NCBP3: variants seen among roughly 807,000 people sequenced by gnomAD.
NCBP3 encodes nuclear cap-binding protein subunit 3.
A neutral mutation model predicts 75.7 loss-of-function variants in NCBP3; 20 were observed. The observed-to-expected ratio is 0.26, with a 90% CI of 0.19 to 0.38. The LOEUF is 0.38. NCBP3 is among the 10% of genes least tolerant of loss of function. NCBP3 has a pLI of 1.00. For synonymous variants in NCBP3, 293 were observed against 290.5 expected (o/e 1.01, Z -0.09); for missense variants, 678 against 796.9 (o/e 0.85, Z 1.80).
At chr17:3,814,543 C>CGCCTGACACCTCTAA in intron 11 of NCBP3, 60 bp from the exon 12 acceptor site, 1 of 1,572,768 alleles carries the variant, frequency 6.4e-7, no homozygotes, top group East Asian at 2.2e-5. Flanking sequence ...CGGCACCAGC[C>CGCCTGACACCTCTAA]GCCTGACACC....
intron 7 of NCBP3, among the ~76,000 whole-genome samples, chr17:3,823,336 T>A (rs1252401145): frequency 6.6e-6 from 1 of 152,040 alleles, no homozygotes; most frequent in Non-Finnish European, 1.5e-5. Flanking sequence ...AGAGCAACAC[T>A]CCGTCTCAAA....
At chr17:3,827,915 TTTTTG>T (rs572085647) in intron 4 of NCBP3, among the ~76,000 whole-genome samples, 2 of 152,218 alleles carry the variant, frequency 1.3e-5, no homozygotes, top group African/African-American at 4.8e-5. Flanking sequence ...CCTGCTTTTG[TTTTTG>T]TTTTTTCTTT....
At chr17:3,838,119 A>C (rs1470017541) in intron 3 of NCBP3, among the ~76,000 whole-genome samples, 1 of 152,226 alleles carries the variant, frequency 6.6e-6, no homozygotes, top group Non-Finnish European at 1.5e-5. Flanking sequence ...AAAGGAACTG[A>C]GACTAGATTC....
intron 4 of NCBP3, among the ~76,000 whole-genome samples, chr17:3,828,445 A>C (rs751879472): frequency 6.6e-6 from 1 of 152,168 alleles, no homozygotes; most frequent in Non-Finnish European, 1.5e-5. Context: ...CAGGAGAAAA[A>C]TGTTTCACTC....
intron 7 of NCBP3, 160 bp from the exon 8 acceptor site, chr17:3,822,212 C>T: frequency 3.3e-6 from 2 of 604,042 alleles, no homozygotes; most frequent in Non-Finnish European, 2.9e-6. Context: ...GTGCCCACTA[C>T]AGCAATGCAG....
Position 3,804,065 on chromosome 17 carries a change from G to A in NCBP3, c.*8979C>T, listed in dbSNP as rs1381215976. The A allele has an allele frequency of 2.0e-5, 3 of 152,292 alleles. No homozygotes were observed. The highest frequency in any genetic ancestry group is 4.4e-5 in the Non-Finnish European group (3 of 68,082). The allele number at this position is 152,292 out of a possible 1,614,324, so 9.4% of individuals were successfully genotyped here. A position where few individuals can be genotyped will look rare whatever the true frequency, so the allele number is the denominator to read the frequency against. ...GCACTCCACTTGGGTGACAGAGCGA[G>A]ACTCCGTCTCAGAAAAAGTGGCCAG... On this transcript the variant is annotated 3_prime_UTR_variant, in exon 13 of 13. Transcript: ENST00000389005.
chr17:3,816,024 C>A, intron 11 of NCBP3, 92 bp downstream of exon 11: 1 of 1,263,576 alleles, frequency 7.9e-7, no homozygotes, highest in Non-Finnish European at 1.1e-6. Flanking sequence ...AATCAGTTCA[C>A]ACATCGCATG....
At chr17:3,823,498 A>G (rs2053711026) in intron 7 of NCBP3, among the ~76,000 whole-genome samples, 1 of 152,252 alleles carries the variant, frequency 6.6e-6, no homozygotes, top group South Asian at 2.1e-4. Flanking sequence ...TAAAGAAATG[A>G]CATAGTCAGA....
chr17:3,838,704 T>C (rs1000827435), intron 3 of NCBP3, among the ~76,000 whole-genome samples: 1 of 152,208 alleles, frequency 6.6e-6, no homozygotes, highest in Non-Finnish European at 1.5e-5. Context: ...GACTCCACCT[T>C]TACTAGCTAC....
In NCBP3 at chr17:3,818,416, C is replaced by T. The variant is rs1248299503; in HGVS notation, c.1157G>A (p.Arg386Gln). ...ELPALKQPRE[R>Q]SASRRSSASS... is the part of the protein sequence containing the mutation. ...GGCACTGGATCGTCTAGACGCGCTC[C>T]GCTCCCGGGGCTGCTTGAGAGCCGG... is the stretch of plus-strand genomic sequence containing the variant. The change falls in exon 10 of 13, where the codon CGG becomes CAG. Residue 386 changes from arginine to glutamine, a missense_variant. This residue lies in a region of NCBP3 where 365 missense variants were observed against 392.7 expected (regional missense o/e 0.93). Coordinates refer to ENST00000389005, the MANE Select transcript of NCBP3 (RefSeq NM_001114118.3). The surrounding 1 kb of genome is among the most constrained non-coding windows in gnomAD (Gnocchi z 4.7). 3.7e-6 allele frequency: 6 copies of T among 1,614,026 alleles called. No individual in the cohort carries two copies. The highest frequency in any genetic ancestry group is 2.7e-5 in the African/African-American group (2 of 74,904).
intron 2 of NCBP3, among the ~76,000 whole-genome samples, chr17:3,842,373 C>T (rs979109298): frequency 6.6e-6 from 1 of 152,064 alleles, no homozygotes; most frequent in Non-Finnish European, 1.5e-5. Flanking sequence ...TGCAGTGAGC[C>T]GAGATCGCAC....
At chr17:3,835,072 T>C (rs79870929) in intron 3 of NCBP3, among the ~76,000 whole-genome samples, 153 of 152,186 alleles carry the variant, frequency 1.0e-3, no homozygotes, top group African/African-American at 3.2e-3. Flanking sequence ...AAGCCACGTG[T>C]ACACAATGGA....
chr17:3,814,212 T>G, intron 12 of NCBP3, 110 bp downstream of exon 12: 3 of 1,071,654 alleles, frequency 2.8e-6, no homozygotes, highest in Non-Finnish European at 4.1e-6. Flanking sequence ...ATCACTTATA[T>G]TTGGCGTGGG....
In NCBP3 at chr17:3,811,510, T is replaced by A. The variant is rs1436471571; in HGVS notation, c.*1534A>T. ...AAAAGCAAGGTTAATCAACAAAATA[T>A]GGGACAATACAGTTTTTGTTGCAGC... On this transcript the variant is annotated 3_prime_UTR_variant, in exon 13 of 13. Transcript: ENST00000389005. 6.6e-6 allele frequency: 1 copy of A among 152,246 alleles called. No homozygotes were observed. The highest frequency in any genetic ancestry group is 1.5e-5 in the Non-Finnish European group (1 of 68,034). 9.4% of individuals were successfully genotyped at this position (152,246 alleles called of 1,614,324 possible).
chr17:3,816,097 T>C lies in NCBP3; in HGVS notation c.1465+19A>G. ...CCGGAGCTCAGAATCCAGCCAGGAA[T>C]CCAAGTGAGGAACAGTACCTGATTT... On this transcript the variant is annotated intron_variant, in intron 11 of 12. Coordinates refer to ENST00000389005, the MANE Select transcript of NCBP3 (RefSeq NM_001114118.3). 6.2e-7 allele frequency: 1 copy of C among 1,603,358 alleles called. No individual in the cohort carries two copies. Among genetic ancestry groups the C allele is most frequent in the Non-Finnish European group, 8.5e-7 (1 of 1,174,420 alleles).
chr17:3,812,614 C>G lies in NCBP3; in HGVS notation c.*430G>C. The G allele has an allele frequency of 9.8e-7, 1 of 1,019,434 alleles. No homozygotes were observed. The highest frequency in any genetic ancestry group is 1.7e-5 in the African/African-American group (1 of 57,744). The allele number at this position is 1,019,434 out of a possible 1,614,324, so 63.1% of individuals were successfully genotyped here. ...CCCTCGAAGGATGTCCAATAAGCAC[C>G]TGGGAATTGACTTTTCTTGGGAAAA... On this transcript the variant is annotated 3_prime_UTR_variant, in exon 13 of 13. Transcript: ENST00000389005.
At position 3,810,380 on chromosome 17, in the gene NCBP3, G is replaced by A. The variant is rs1329804983; in HGVS notation, c.*2664C>T. The A allele has an allele frequency of 6.6e-6, 1 of 152,208 alleles. No individual in the cohort carries two copies. The highest frequency in any genetic ancestry group is 1.5e-5 in the Non-Finnish European group (1 of 68,054). 9.4% of individuals were successfully genotyped at this position (152,208 alleles called of 1,614,324 possible). A position where few individuals can be genotyped will look rare whatever the true frequency, so the allele number is the denominator to read the frequency against. ...ATCCTGGGTACCTGGTAACTCTCCA[G>A]AGAGGAGAGTGGGAAACAAATGAGG... is the stretch of plus-strand genomic sequence containing the variant. On this transcript the variant is annotated 3_prime_UTR_variant, in exon 13 of 13. Transcript: ENST00000389005.
intron 9 of NCBP3, 139 bp downstream of exon 9, chr17:3,821,110 C>T (rs1395249154): frequency 1.9e-6 from 1 of 522,970 alleles, no homozygotes; most frequent in South Asian, 3.0e-5. Context: ...ACTTGACTTA[C>T]TTTCCTATAT....
intron 3 of NCBP3, among the ~76,000 whole-genome samples, chr17:3,834,148 G>A (rs774008936): frequency 5.9e-5 from 9 of 152,168 alleles, no homozygotes; most frequent in Non-Finnish European, 1.2e-4. Context: ...AACTGACCAA[G>A]GCACACATGT....
Sources: gnomAD v4.1 joint callset for allele counts (sites outside exome capture counted in the v4.1 genomes callset) on GRCh38, gnomAD v4.1.1 for gene constraint, gnomAD v4.1.1 regional missense constraint, Gnocchi (gnomAD v3.1) non-coding constraint, MANE v1.5 for transcripts, NCBI Gene and HGNC (gene_info 2026-07-23, HGNC 2026-07-21) for gene names.